ZEB2: variants seen among roughly 807,000 people sequenced by gnomAD.
The protein encoded by ZEB2 is zinc finger E-box binding homeobox 2, also known as zinc finger E-box-binding homeobox 2.
ZEB2 carries 6 observed loss-of-function variants against 99.9 expected under a neutral mutation model. The observed-to-expected ratio is 0.06, with a 90% confidence interval of 0.03 to 0.12. The LOEUF is 0.12. Among genes scored for constraint, ZEB2 ranks in the 10% least tolerant of loss-of-function variants. The pLI is 1.00. For synonymous variants in ZEB2, 517 were observed against 542.5 expected (o/e 0.95, Z 0.65); for missense variants, 969 against 1,502.8 (o/e 0.64, Z 5.87).
chr2:144,512,454 G>A (rs2149931437), intron 2 of ZEB2: 1 of 1,287,192 alleles, frequency 7.8e-7, no homozygotes, highest in South Asian at 1.2e-5. Context: ...TGGCATCAAG[G>A]TCTTTAATAA....
At position 144,501,489 on chromosome 2, in the gene ZEB2, T is replaced by C. The variant is rs141185636; in HGVS notation, c.73+15789A>G. Among the ~76,000 whole-genome samples, 222 of 152,326 alleles carry C rather than the reference T, an allele frequency of 1.5e-3. 1 individual carries two copies. Among genetic ancestry groups the C allele is most frequent in the African/African-American group, 5.3e-3 (220 of 41,582 alleles). On this transcript the variant is annotated intron_variant, in intron 2 of 9. Coordinates refer to ENST00000627532, the MANE Select transcript of ZEB2 (RefSeq NM_014795.4). ...TAAAGTAGAACAGTTCATTAAAAGGTGAGAAGTCATGTTGGTCCTAGCCAT... is the reference window on the plus strand; with the variant it reads ...TAAAGTAGAACAGTTCATTAAAAGGCGAGAAGTCATGTTGGTCCTAGCCAT...
At chr2:144,456,337 G>A (rs1704121569) in intron 2 of ZEB2, among the ~76,000 whole-genome samples, 1 of 152,196 alleles carries the variant, frequency 6.6e-6, no homozygotes, top group South Asian at 2.1e-4. Flanking sequence ...TGGATATAAG[G>A]GACTCTTCCA....
At chr2:144,463,031 C>T (rs1010730957) in intron 2 of ZEB2, 1 of 152,158 alleles carries the variant, frequency 6.6e-6, no homozygotes, top group Non-Finnish European at 1.5e-5. Context: ...GACACCATTG[C>T]TCTCTGCTTA....
chr2:144,469,395 T>G (rs1248074702), intron 2 of ZEB2, among the ~76,000 whole-genome samples: 1 of 152,138 alleles, frequency 6.6e-6, no homozygotes, highest in Admixed American at 6.6e-5. Flanking sequence ...CAGCTTCATT[T>G]TTGACTGATA....
chr2:144,422,775 G>A (rs1159680681), intron 4 of ZEB2, among the ~76,000 whole-genome samples: 1 of 152,152 alleles, frequency 6.6e-6, no homozygotes, highest in Non-Finnish European at 1.5e-5. Context: ...ACTCCAGCCT[G>A]GGTGACAAAG....
At chr2:144,515,829 AT>A (rs1298806432) in intron 2 of ZEB2, 2 of 151,798 alleles carry the variant, frequency 1.3e-5, no homozygotes, top group African/African-American at 4.8e-5. Flanking sequence ...GAAAAGCATC[AT>A]TTGTCTCTAA....
chr2:144,424,515 T>C (rs1039376698), intron 4 of ZEB2: 7 of 620,010 alleles, frequency 1.1e-5, no homozygotes, highest in African/African-American at 9.2e-5. Context: ...AAGTTACTAC[T>C]AGAAATTCAC....
intron 9 of ZEB2, among the ~76,000 whole-genome samples, chr2:144,391,426 GAC>G (rs1429840313): frequency 6.6e-6 from 1 of 152,196 alleles, no homozygotes; most frequent in Admixed American, 6.5e-5. Context: ...GGGAAATAAA[GAC>G]AGTTCTAATA....
intron 5 of ZEB2, 109 bp downstream of exon 5, chr2:144,404,727 C>T (rs1175649853): frequency 1.0e-5 from 14 of 1,378,812 alleles, no homozygotes; most frequent in Admixed American, 2.1e-5. Context: ...TTCCATGCCT[C>T]TGCAGCTGTT....
Position 144,403,549 on chromosome 2 carries a change from A to G in ZEB2, c.807+367T>C, listed in dbSNP as rs538422736. ...TGACTTAGATCCTATATGAAAAGAA[A>G]ATTTCTAAGTAAAGCGAGGTGAAAA... On this transcript the variant is annotated intron_variant, in intron 6 of 9. Transcript: ENST00000627532. Among the ~76,000 whole-genome samples, 10 of 152,268 alleles carry G rather than the reference A, an allele frequency of 6.6e-5. No homozygotes were observed. In the East Asian group the frequency reaches 1.9e-3, roughly 29 times the overall value.
intron 2 of ZEB2, among the ~76,000 whole-genome samples, chr2:144,481,009 G>C (rs1704503346): frequency 1.3e-5 from 2 of 151,990 alleles, no homozygotes; most frequent in Non-Finnish European, 2.9e-5. Context: ...TTATTTGTTA[G>C]TACCACAATA....
chr2:144,437,482 T>C (rs1703853735), intron 2 of ZEB2, among the ~76,000 whole-genome samples: 1 of 152,190 alleles, frequency 6.6e-6, no homozygotes, highest in Admixed American at 6.5e-5. Flanking sequence ...ATTCAACAAC[T>C]TGCTCTATAC....
intron 2 of ZEB2, chr2:144,511,808 A>C: frequency 1.6e-6 from 2 of 1,286,970 alleles, no homozygotes; most frequent in South Asian, 1.2e-5. Context: ...AGAAGTAAAG[A>C]GGGGGAATAG....
intron 6 of ZEB2, among the ~76,000 whole-genome samples, chr2:144,401,907 A>G (rs924531579): frequency 4.6e-5 from 7 of 152,360 alleles, no homozygotes; most frequent in African/African-American, 1.7e-4. Flanking sequence ...TATCCTATTC[A>G]TTGTGCTAGT....
intron 4 of ZEB2, among the ~76,000 whole-genome samples, chr2:144,408,622 T>C (rs1703417529): frequency 6.6e-6 from 1 of 152,242 alleles, no homozygotes; most frequent in African/African-American, 2.4e-5. Flanking sequence ...GAATCTAATG[T>C]AGTTTTTCCA....
At chr2:144,499,267 T>C (rs1256415453) in intron 2 of ZEB2, among the ~76,000 whole-genome samples, 1 of 152,238 alleles carries the variant, frequency 6.6e-6, no homozygotes, top group African/African-American at 2.4e-5. Flanking sequence ...ATTATTAAAA[T>C]ATTTTAAATT....
At chr2:144,516,434 T>TCTC (rs1206005776) in intron 2 of ZEB2, 1 of 52,556 alleles carries the variant, frequency 1.9e-5, no homozygotes, top group Admixed American at 1.6e-4. Context: ...TACCAAACTC[T>TCTC]CACCCCCCCC....
chr2:144,481,044 G>T (rs1198951877), intron 2 of ZEB2, among the ~76,000 whole-genome samples: 1 of 150,284 alleles, frequency 6.7e-6, no homozygotes, highest in African/African-American at 2.5e-5. Context: ...TTCTTTCCTG[G>T]CATCTACACC....
At chr2:144,459,659 A>T (rs373467238) in intron 2 of ZEB2, among the ~76,000 whole-genome samples, 1 of 152,060 alleles carries the variant, frequency 6.6e-6, no homozygotes, top group Non-Finnish European at 1.5e-5. Context: ...ACACTTCACA[A>T]CTCATAAAGC....
Sources: allele counts gnomAD v4.1 joint callset (sites outside exome capture counted in the v4.1 genomes callset), GRCh38; gene constraint gnomAD v4.1.1; transcripts MANE v1.5; gene names NCBI Gene and HGNC (gene_info 2026-07-23, HGNC 2026-07-21).